The following STPG2 variants were observed in gnomAD, a reference collection of about 807,000 sequenced individuals.
STPG2 encodes the protein sperm-tail PG-rich repeat-containing protein 2.
A neutral mutation model predicts 54.2 loss-of-function variants in STPG2; 56 were observed. The observed-to-expected ratio is 1.03, with a 90% CI of 0.83 to 1.29. The LOEUF (loss-of-function observed/expected upper bound fraction) is 1.29, where lower values mean the gene tolerates loss of function less well. Ranked by LOEUF, STPG2 falls within the 50% of genes most tolerant of loss-of-function variation. The pLI is 0.00. For synonymous variants in STPG2, 200 were observed against 181.8 expected (o/e 1.10, Z -0.81); for missense variants, 596 against 544.9 (o/e 1.09, Z -0.93).
Position 97,484,538 on chromosome 4 carries a change from A to T in STPG2, c.462+228161T>A, listed in dbSNP as rs137898688. ...AAGAATTAGATACTCTGAACACACC[A>T]ATAACAAGCAGTGGCATTGAAATGC... is the stretch of plus-strand genomic sequence containing the variant. On this transcript the variant is annotated intron_variant, in intron 4 of 4. Coordinates refer to the STPG2 transcript ENST00000522676. 4.2e-3 allele frequency among the ~76,000 whole-genome samples: 635 copies of T among 151,926 alleles called. 3 individuals are homozygous for T. The highest frequency in any genetic ancestry group is 0.02 in the South Asian group (98 of 4,828).
At chr4:97,504,967 T>C (rs1370426074) in intron 4 of STPG2, among the ~76,000 whole-genome samples, 2 of 151,730 alleles carry the variant, frequency 1.3e-5, no homozygotes, top group Admixed American at 1.3e-4. Flanking sequence ...CTTGCCCAAA[T>C]TGAAAGAACC....
Position 97,693,757 on chromosome 4 carries a change from T to A in STPG2, c.1320+18942A>T, listed in dbSNP as rs150473800. Among the ~76,000 whole-genome samples the A allele has an allele frequency of 7.4e-4, 112 of 152,232 alleles. 1 individual carries two copies. The highest frequency in any genetic ancestry group is 2.3e-3 in the South Asian group (11 of 4,824). ...GGAACATTCTCAAAGACAGACCATATGATAGAACACAAAACAAGTTCCAAA... is the reference window on the plus strand; with the variant it reads ...GGAACATTCTCAAAGACAGACCATAAGATAGAACACAAAACAAGTTCCAAA... On this transcript the variant is annotated intron_variant, in intron 10 of 10. Coordinates refer to ENST00000295268, the MANE Select transcript of STPG2 (RefSeq NM_174952.3).
chr4:97,957,381 GA>G (rs996372973), intron 7 of STPG2, among the ~76,000 whole-genome samples: 35 of 150,486 alleles, frequency 2.3e-4, no homozygotes, highest in African/African-American at 4.4e-4. Context: ...CAAAGACAAA[GA>G]AAAAAAATAA....
chr4:97,459,187 A>T (rs1729597770), intron 4 of STPG2, among the ~76,000 whole-genome samples: 1 of 152,072 alleles, frequency 6.6e-6, no homozygotes, highest in Non-Finnish European at 1.5e-5. Context: ...TGAGAGAGAG[A>T]CGCCCACACA....
At chr4:97,471,267 T>C (rs1234261328) in intron 4 of STPG2, among the ~76,000 whole-genome samples, 1 of 152,178 alleles carries the variant, frequency 6.6e-6, no homozygotes, top group Non-Finnish European at 1.5e-5. Flanking sequence ...CTACTGTACT[T>C]GATTTATGGT....
chr4:97,451,278 G>A (rs1729357511), intron 4 of STPG2, among the ~76,000 whole-genome samples: 1 of 152,122 alleles, frequency 6.6e-6, no homozygotes, highest in Non-Finnish European at 1.5e-5. Context: ...AAGTGGTGAA[G>A]TGGACAGAAA....
In STPG2 at chr4:97,981,269, T is replaced by A. The variant is rs747490813; in HGVS notation, c.662A>T (p.Glu221Val). Residue 221 changes from glutamate to valine, a missense_variant, in exon 6 of 11, where the codon GAA becomes GTA. Coordinates refer to ENST00000295268, the MANE Select transcript of STPG2 (RefSeq NM_174952.3). The stretch of plus-strand genomic sequence containing the variant: ...CAAAGACTTGAGAGCAGTTCGAGGT[T>A]CATTATATGTGCCAGGAGCCGGGGT... The part of the protein sequence containing the change: ...SITPAPGTYN[E>V]PRTALKSLKK... 1.1e-5 allele frequency: 18 copies of A among 1,613,946 alleles called. No individual in the cohort carries two copies. The highest frequency in any genetic ancestry group is 1.5e-5 in the Non-Finnish European group (18 of 1,179,970).
At chr4:97,927,415 T>C (rs1732374393) in intron 8 of STPG2, among the ~76,000 whole-genome samples, 1 of 152,132 alleles carries the variant, frequency 6.6e-6, no homozygotes. Flanking sequence ...ACTCTTCTAC[T>C]GCCTTTCCCA....
At chr4:97,574,544 C>G (rs887211588) in intron 10 of STPG2, among the ~76,000 whole-genome samples, 5 of 152,010 alleles carry the variant, frequency 3.3e-5, no homozygotes, top group Non-Finnish European at 7.4e-5. Flanking sequence ...TTTGGCATCT[C>G]TGTGTCAAAC....
At chr4:98,096,766 A>G (rs2110131738) in intron 5 of STPG2, among the ~76,000 whole-genome samples, 1 of 152,262 alleles carries the variant, frequency 6.6e-6, no homozygotes. Context: ...AAATAAAATC[A>G]GAGGTAAAAA....
intron 10 of STPG2, among the ~76,000 whole-genome samples, chr4:97,660,098 G>A (rs1403452376): frequency 1.3e-5 from 2 of 151,982 alleles, no homozygotes; most frequent in African/African-American, 4.8e-5. Flanking sequence ...CGCCTCCCGG[G>A]TTCACACCAT....
chr4:97,573,687 T>C (rs1295112529), intron 10 of STPG2, among the ~76,000 whole-genome samples: 2 of 152,130 alleles, frequency 1.3e-5, no homozygotes, highest in Admixed American at 6.6e-5. Flanking sequence ...AATTTTAAAA[T>C]GTCCTCAATA....
intron 3 of STPG2, among the ~76,000 whole-genome samples, chr4:98,110,243 A>G (rs148767401): frequency 1.3e-3 from 196 of 152,192 alleles, no homozygotes; most frequent in Non-Finnish European, 2.3e-3. Flanking sequence ...AGTCTAAAAT[A>G]ATAATTCATT....
rs566284310 is a variant in STPG2 at position 98,030,409 on chromosome 4, T to G, written c.613-49091A>C. On this transcript the variant is annotated intron_variant, in intron 5 of 10. Transcript: ENST00000295268. Reference sequence around the variant, plus strand: ...CAGAAATTCAGTATTGTATCTGGCTTTATACATTATCAAGGGAGAAATTTC... The same window carrying G: ...CAGAAATTCAGTATTGTATCTGGCTGTATACATTATCAAGGGAGAAATTTC... 3.3e-5 allele frequency among the ~76,000 whole-genome samples: 5 copies of G among 152,274 alleles called. No individual in the cohort carries two copies. The East Asian group carries it at 9.6e-4, about 29-fold the overall frequency.
At position 98,019,622 on chromosome 4, in the gene STPG2, C is replaced by T. The variant is rs1363417696; in HGVS notation, c.613-38304G>A. Among the ~76,000 whole-genome samples the T allele has an allele frequency of 2.0e-5, 3 of 150,574 alleles. No homozygotes were observed. In the East Asian group the frequency reaches 5.8e-4, roughly 29 times the overall value. ...TTACCTTGGGCAGTACGGCCATTTTCACAATATTGATTCTTCCAACCAATG... is the reference window on the plus strand; with the variant it reads ...TTACCTTGGGCAGTACGGCCATTTTTACAATATTGATTCTTCCAACCAATG... On this transcript the variant is annotated intron_variant, in intron 5 of 10. Transcript: ENST00000295268.
chr4:97,452,359 G>T (rs933744405), intron 4 of STPG2, among the ~76,000 whole-genome samples: 3 of 152,146 alleles, frequency 2.0e-5, no homozygotes, highest in Non-Finnish European at 4.4e-5. Context: ...CAGATTCCTG[G>T]GTGGAATGGG....
chr4:97,787,275 A>G (rs1726856013), intron 9 of STPG2, among the ~76,000 whole-genome samples: 1 of 152,118 alleles, frequency 6.6e-6, no homozygotes, highest in African/African-American at 2.4e-5. Flanking sequence ...TTCCTGCCAT[A>G]TTCCCAATTT....
At chr4:97,896,224 C>G (rs1171695823) in intron 8 of STPG2, among the ~76,000 whole-genome samples, 1 of 151,782 alleles carries the variant, frequency 6.6e-6, no homozygotes, top group Non-Finnish European at 1.5e-5. Flanking sequence ...CTGAACTCAT[C>G]ACTGTGGCAA....
intron 5 of STPG2, among the ~76,000 whole-genome samples, chr4:98,058,711 G>A (rs11935588): frequency 0.39 from 59,935 of 151,878 alleles, 12,054 homozygotes; most frequent in Middle Eastern, 0.46. Context: ...GGACCAAATG[G>A]ATCTAGTACA....
Sources: gnomAD v4.1 joint callset for allele counts (sites outside exome capture counted in the v4.1 genomes callset) on GRCh38, gnomAD v4.1.1 for gene constraint, MANE v1.5 for transcripts, NCBI Gene and HGNC (gene_info 2026-07-23, HGNC 2026-07-21) for gene names.